Variants in ANTXR1 observed in about 807,000 individuals in gnomAD.
ANTXR1 encodes anthrax toxin receptor 1.
In ANTXR1, 19 loss-of-function variants were observed where a neutral mutation model predicts 78.1. That is an observed-to-expected ratio of 0.24 (90% CI 0.17 to 0.36). The LOEUF (loss-of-function observed/expected upper bound fraction) is 0.36. Among genes scored for constraint, ANTXR1 ranks in the 10% least tolerant of loss-of-function variants. The pLI is 1.00. For synonymous variants in ANTXR1, 273 were observed against 260.5 expected (o/e 1.05, Z -0.46); for missense variants, 518 against 718.6 (o/e 0.72, Z 3.19).
intron 13 of ANTXR1, among the ~76,000 whole-genome samples, chr2:69,158,015 G>A (rs1673574575): frequency 6.6e-6 from 1 of 152,114 alleles, no homozygotes; most frequent in Non-Finnish European, 1.5e-5. Flanking sequence ...CTCCTGTGCA[G>A]GGTCTCCCTT....
At position 69,245,697 on chromosome 2, in the gene ANTXR1, C is replaced by T; in HGVS notation, c.*212C>T. ...AAACAAATGATGAGGCAACTACAGTCAGATTTATAGCCAGCCATCTATCAC... is the reference window on the plus strand; with the variant it reads ...AAACAAATGATGAGGCAACTACAGTTAGATTTATAGCCAGCCATCTATCAC... On this transcript the variant is annotated 3_prime_UTR_variant, in exon 18 of 18. Coordinates refer to ENST00000303714, the MANE Select transcript of ANTXR1 (RefSeq NM_032208.3). 1 of 629,902 alleles carries T rather than the reference C, an allele frequency of 1.6e-6. No homozygotes were observed. Among genetic ancestry groups the T allele is most frequent in the Non-Finnish European group, 2.7e-6 (1 of 371,300 alleles). 39.0% of individuals were successfully genotyped at this position (629,902 alleles called of 1,614,324 possible). A position where few individuals can be genotyped will look rare whatever the true frequency, so the allele number is the denominator to read the frequency against.
intron 17 of ANTXR1, among the ~76,000 whole-genome samples, chr2:69,242,232 G>A (rs555513371): frequency 9.2e-5 from 14 of 152,048 alleles, no homozygotes; most frequent in Non-Finnish European, 2.1e-4. Flanking sequence ...ACACCACGGC[G>A]GCAGCTGGAA....
intron 13 of ANTXR1, among the ~76,000 whole-genome samples, chr2:69,157,552 A>T (rs1189775425): frequency 6.6e-6 from 1 of 151,760 alleles, no homozygotes; most frequent in Non-Finnish European, 1.5e-5. Flanking sequence ...CAGACTAGGG[A>T]CTGCAGAGCA....
chr2:69,219,903 C>T (rs1453785122), intron 17 of ANTXR1, among the ~76,000 whole-genome samples: 1 of 151,214 alleles, frequency 6.6e-6, no homozygotes, highest in Non-Finnish European at 1.5e-5. Flanking sequence ...TAAGCATCTC[C>T]ATCCTTCCTG....
intron 9 of ANTXR1, among the ~76,000 whole-genome samples, chr2:69,096,545 G>A (rs1671436268): frequency 6.6e-6 from 1 of 151,864 alleles, no homozygotes; most frequent in Admixed American, 6.6e-5. Context: ...TCACTGCACT[G>A]GTGAACATAT....
chr2:69,029,583 A>T (rs1262906245), intron 1 of ANTXR1, among the ~76,000 whole-genome samples: 1 of 151,904 alleles, frequency 6.6e-6, no homozygotes, highest in Admixed American at 6.6e-5. Flanking sequence ...TAGGCTCAAC[A>T]AAAAGGAAAG....
At chr2:69,101,601 T>C (rs530727384) in intron 9 of ANTXR1, among the ~76,000 whole-genome samples, 2 of 152,228 alleles carry the variant, frequency 1.3e-5, no homozygotes, top group Non-Finnish European at 1.5e-5. Flanking sequence ...TCTAAATTAG[T>C]TTCCTGGGAC....
chr2:69,217,432 G>A (rs1401699846), intron 17 of ANTXR1, among the ~76,000 whole-genome samples: 3 of 152,182 alleles, frequency 2.0e-5, no homozygotes, highest in East Asian at 1.9e-4. Context: ...CAGGGCTCAA[G>A]ATCACCTAGG....
Position 69,013,418 on chromosome 2 carries a change from G to A in ANTXR1, c.-82G>A, listed in dbSNP as rs1376344276. 1 of 1,553,042 alleles carries A rather than the reference G, an allele frequency of 6.4e-7. No homozygotes were observed. Among genetic ancestry groups the A allele is most frequent in the Non-Finnish European group, 8.7e-7 (1 of 1,146,852 alleles). On this transcript the variant is annotated 5_prime_UTR_variant, in exon 1 of 18. Coordinates refer to ENST00000303714, the MANE Select transcript of ANTXR1 (RefSeq NM_032208.3). This position sits in a 1 kb window ranked among gnomAD's most constrained non-coding sequence, Gnocchi z 5.0. ...ATAAAGGACCCGCGAGGAAGGGCCC[G>A]CGGATGGCGCGTCCCTGAGGGTCGT...
At chr2:69,067,022 G>C (rs1341422247) in intron 3 of ANTXR1, among the ~76,000 whole-genome samples, 1 of 152,066 alleles carries the variant, frequency 6.6e-6, no homozygotes. Flanking sequence ...GTTTCCAAGA[G>C]AAAATAAGAA....
At chr2:69,222,337 A>G (rs1210336736) in intron 17 of ANTXR1, among the ~76,000 whole-genome samples, 1 of 152,126 alleles carries the variant, frequency 6.6e-6, no homozygotes, top group Non-Finnish European at 1.5e-5. Flanking sequence ...TTGAACCTTT[A>G]AAAGTGAAAA....
intron 3 of ANTXR1, among the ~76,000 whole-genome samples, chr2:69,066,875 C>T (rs1461987310): frequency 6.6e-6 from 1 of 152,178 alleles, no homozygotes; most frequent in African/African-American, 2.4e-5. Flanking sequence ...AAAACAGGGG[C>T]TCTGTAATAG....
At chr2:69,101,844 G>C (rs1038871743) in intron 9 of ANTXR1, among the ~76,000 whole-genome samples, 4 of 152,164 alleles carry the variant, frequency 2.6e-5, no homozygotes, top group African/African-American at 9.7e-5. Context: ...GATGATAAAA[G>C]TGAAATAAAG....
At chr2:69,238,703 G>T (rs1450976685) in intron 17 of ANTXR1, among the ~76,000 whole-genome samples, 4 of 152,168 alleles carry the variant, frequency 2.6e-5, no homozygotes, top group Non-Finnish European at 5.9e-5. Flanking sequence ...CTCCAAACAA[G>T]GTAATCAATG....
intron 1 of ANTXR1, among the ~76,000 whole-genome samples, chr2:69,019,614 T>G (rs943626016): frequency 1.3e-5 from 2 of 148,646 alleles, no homozygotes; most frequent in Non-Finnish European, 3.0e-5. Context: ...ATAAAAGATG[T>G]TAAAAAAAAG....
intron 10 of ANTXR1, among the ~76,000 whole-genome samples, chr2:69,108,162 A>G (rs1014142527): frequency 6.6e-6 from 1 of 152,256 alleles, no homozygotes; most frequent in Non-Finnish European, 1.5e-5. Flanking sequence ...ACTTAAATGT[A>G]AATAGCCACA....
At chr2:69,223,112 C>T (rs1215540641) in intron 17 of ANTXR1, among the ~76,000 whole-genome samples, 1 of 152,148 alleles carries the variant, frequency 6.6e-6, no homozygotes, top group African/African-American at 2.4e-5. Flanking sequence ...TGTGATCAGC[C>T]TCAAGTCACC....
chr2:69,048,329 A>G (rs1669835618), intron 3 of ANTXR1, among the ~76,000 whole-genome samples: 1 of 152,142 alleles, frequency 6.6e-6, no homozygotes, highest in Non-Finnish European at 1.5e-5. Context: ...TAAATATTGG[A>G]TCATTCTAGT....
chr2:69,137,155 G>A (rs1177895962), intron 12 of ANTXR1, among the ~76,000 whole-genome samples: 1 of 152,140 alleles, frequency 6.6e-6, no homozygotes, highest in African/African-American at 2.4e-5. Context: ...AAAGCTGTTT[G>A]TCCCTACAGC....
Sources: gnomAD v4.1 joint callset for allele counts (sites outside exome capture counted in the v4.1 genomes callset) on GRCh38, gnomAD v4.1.1 for gene constraint, Gnocchi (gnomAD v3.1) non-coding constraint, MANE v1.5 for transcripts, NCBI Gene and HGNC (gene_info 2026-07-23, HGNC 2026-07-21) for gene names.